ZNF44: variants seen among roughly 807,000 people sequenced by gnomAD.
ZNF44 encodes the protein zinc finger protein 44.
In ZNF44, 9 loss-of-function variants were observed where a neutral mutation model predicts 11.7. The observed-to-expected ratio is 0.77, with a 90% CI of 0.46 to 1.35. The LOEUF is 1.35. Ranked by LOEUF, ZNF44 falls within the 40% of genes most tolerant of loss-of-function variation. The pLI is 0.00. For missense variants in ZNF44, 696 were observed against 743.1 expected (o/e 0.94, Z 0.74); for synonymous variants, 224 against 242.7 (o/e 0.92, Z 0.72).
At chr19:12,232,244 T>G (rs1916192615) in intron 2 of ZNF44, among the ~76,000 whole-genome samples, 1 of 152,236 alleles carries the variant, frequency 6.6e-6, no homozygotes, top group Admixed American at 6.5e-5. Context: ...AGCTAGAACG[T>G]ACAATCGGGT....
downstream of ZNF44, among the ~76,000 whole-genome samples, chr19:12,267,054 T>TG (rs1328790419): frequency 6.6e-6 from 1 of 151,444 alleles, no homozygotes. Flanking sequence ...TTTTTTTTTT[T>TG]TTTGAGACAG....
At chr19:12,246,825 C>T (rs942045873), downstream of ZNF44, among the ~76,000 whole-genome samples, 4 of 149,624 alleles carry the variant, frequency 2.7e-5, no homozygotes, top group Non-Finnish European at 4.5e-5. Flanking sequence ...TAGAAGTCCG[C>T]GGCCAGCCTG....
chr19:12,253,860 T>C (rs555042281), intron 5 of ZNF44, among the ~76,000 whole-genome samples: 51 of 152,044 alleles, frequency 3.4e-4, no homozygotes, highest in Non-Finnish European at 6.0e-4. Flanking sequence ...GTGCCTGTAA[T>C]CCCAGCTACT....
intron 1 of ZNF44, among the ~76,000 whole-genome samples, chr19:12,287,527 TTAAC>T: frequency 6.6e-6 from 1 of 152,312 alleles, no homozygotes; most frequent in African/African-American, 2.4e-5. Flanking sequence ...TACACATTCT[TTAAC>T]TACCACTTAT....
intron 5 of ZNF44, chr19:12,250,399 A>G: frequency 3.7e-6 from 5 of 1,335,366 alleles, no homozygotes; most frequent in Non-Finnish European, 4.9e-6. Context: ...GTAAAGGAGA[A>G]TGGGTGAGAC....
At position 12,275,818 on chromosome 19, in the gene ZNF44, T is replaced by TTATA. The variant is rs1432659377; in HGVS notation, c.130+137_130+138insTATA. 7.2e-6 allele frequency: 8 copies of TTATA among 1,112,586 alleles called. No individual in the cohort carries two copies. The East Asian group carries it at 2.4e-4, about 34-fold the overall frequency. The allele number at this position is 1,112,586 out of a possible 1,614,324, so 68.9% of individuals were successfully genotyped here. A position where few individuals can be genotyped will look rare whatever the true frequency, so the allele number is the denominator to read the frequency against. ...AGATTATATGAGGACATACAACAGG[T>TTATA]TGGGGCCTGGCACTTCACCCTGTGT... On this transcript the variant is annotated intron_variant, in intron 2 of 3. Coordinates refer to ENST00000355684, the MANE Select transcript of ZNF44 (RefSeq NM_016264.4).
At position 12,273,857 on chromosome 19, in the gene ZNF44, C is replaced by T; in HGVS notation, c.398G>A (p.Cys133Tyr). The T allele has an allele frequency of 6.2e-7, 1 of 1,614,182 alleles. No homozygotes were observed. Among genetic ancestry groups the T allele is most frequent in the South Asian group, 1.1e-5 (1 of 91,084 alleles). ...RVDTGHKHRE[C>Y]HEYAEKSYTH... Reference sequence around the variant, plus strand: ...ATATGACTTCTCTGCATATTCATGACACTCCCGGTGTTTGTGTCCAGTATC... The same window carrying T: ...ATATGACTTCTCTGCATATTCATGATACTCCCGGTGTTTGTGTCCAGTATC... Residue 133 changes from cysteine (C) to tyrosine (Y), a missense_variant, in exon 4 of 4, where the codon TGT (cysteine) becomes TAT (tyrosine). Cys to Tyr is a radical substitution (Grantham distance 194). Coordinates refer to ENST00000355684, the MANE Select transcript of ZNF44 (RefSeq NM_016264.4).
intron 1 of ZNF44, among the ~76,000 whole-genome samples, chr19:12,291,689 G>C (rs931480685): frequency 6.6e-6 from 1 of 151,360 alleles, no homozygotes; most frequent in Non-Finnish European, 1.5e-5. Flanking sequence ...GGGAGACCAT[G>C]TCTCAAAAAA....
downstream of ZNF44, chr19:12,247,280 T>C (rs1916794380): frequency 8.2e-7 from 1 of 1,219,728 alleles, no homozygotes; most frequent in South Asian, 1.4e-5. Context: ...ATAGTTTCTA[T>C]TCAGCGTGCA....
chr19:12,289,901 G>C (rs181244813), intron 1 of ZNF44, among the ~76,000 whole-genome samples: 1 of 151,962 alleles, frequency 6.6e-6, no homozygotes, highest in Non-Finnish European at 1.5e-5. Context: ...AAAGTGGTGG[G>C]ATTACCGGCG....
chr19:12,231,667 T>G (rs1265384547), intron 2 of ZNF44, among the ~76,000 whole-genome samples: 1 of 152,184 alleles, frequency 6.6e-6, no homozygotes. Context: ...CCAGCTAATT[T>G]GTGGACAAAA....
intron 5 of ZNF44, among the ~76,000 whole-genome samples, chr19:12,264,839 G>A (rs1227016081): frequency 6.6e-6 from 1 of 152,012 alleles, no homozygotes; most frequent in Non-Finnish European, 1.5e-5. Flanking sequence ...GGGACCACAG[G>A]CACGCACCAC....
intron 2 of ZNF44, among the ~76,000 whole-genome samples, chr19:12,232,977 G>A (rs778154976): frequency 6.6e-6 from 1 of 151,842 alleles, no homozygotes; most frequent in Non-Finnish European, 1.5e-5. Flanking sequence ...CAAGAGCATC[G>A]CCATCGTGGA....
At chr19:12,279,256 G>A (rs1337427587) in intron 1 of ZNF44, among the ~76,000 whole-genome samples, 4 of 152,134 alleles carry the variant, frequency 2.6e-5, no homozygotes, top group Admixed American at 2.6e-4. Context: ...TGCAGTGGCT[G>A]AAGCCTGTAA....
intron 1 of ZNF44, among the ~76,000 whole-genome samples, chr19:12,290,369 C>A (rs1967954680): frequency 7.0e-6 from 1 of 141,988 alleles, no homozygotes; most frequent in Non-Finnish European, 1.5e-5. Context: ...CCAGCCTGGG[C>A]AACAAGAGTG....
At chr19:12,292,286 G>A (rs947487413) in intron 1 of ZNF44, among the ~76,000 whole-genome samples, 1 of 151,918 alleles carries the variant, frequency 6.6e-6, no homozygotes, top group Non-Finnish European at 1.5e-5. Flanking sequence ...CTCCAGCCTG[G>A]GCAACAGAGG....
intron 5 of ZNF44, among the ~76,000 whole-genome samples, chr19:12,255,494 C>G (rs1917214142): frequency 6.6e-6 from 1 of 152,162 alleles, no homozygotes; most frequent in Admixed American, 6.6e-5. Flanking sequence ...CCATTTATGA[C>G]AGCAAACTAG....
Position 12,272,811 on chromosome 19 carries a change from C to A in ZNF44, c.1444G>T (p.Gly482Trp). The A allele has an allele frequency of 6.2e-7, 1 of 1,613,910 alleles. No individual in the cohort carries two copies. The highest frequency in any genetic ancestry group is 1.1e-5 in the South Asian group (1 of 91,072). The change falls in exon 4 of 4, where the codon GGG (glycine) becomes TGG (tryptophan). Residue 482 changes from glycine (G) to tryptophan (W), a missense_variant. Physicochemically the swap from Gly to Trp is radical, Grantham distance 184. Transcript: ENST00000355684. ...TATTTAAAAGAACTAAATGCTTTCC[C>A]ACACTCCTTACATTCATAAGGCTCC... Reference protein sequence around the residue: ...EEEPYECKECGKAFSSFKYFC... With the variant: ...EEEPYECKECWKAFSSFKYFC...
intron 1 of ZNF44, 21 bp from the exon 2 acceptor site, chr19:12,276,103 A>G: frequency 6.3e-7 from 1 of 1,594,334 alleles, no homozygotes; most frequent in Non-Finnish European, 8.6e-7. Flanking sequence ...CCATATGTCC[A>G]GAAAAGGAAG....
Sources: allele counts gnomAD v4.1 joint callset (sites outside exome capture counted in the v4.1 genomes callset), GRCh38; gene constraint gnomAD v4.1.1; transcripts MANE v1.5; gene names NCBI Gene and HGNC (gene_info 2026-07-23, HGNC 2026-07-21).